The following GRAMD4 variants were observed in gnomAD, a reference collection of about 807,000 sequenced individuals.
GRAMD4 encodes the protein GRAM domain containing 4.
GRAMD4 carries 25 observed loss-of-function variants against 83.9 expected under a neutral mutation model. The ratio of observed to expected loss-of-function variants is 0.30; its 90% CI spans 0.22 to 0.42. The LOEUF is 0.42. GRAMD4 is among the 10% of genes least tolerant of loss of function. The pLI is 1.00. For synonymous variants in GRAMD4, 336 were observed against 320.9 expected (o/e 1.05, Z -0.50); for missense variants, 593 against 788.7 (o/e 0.75, Z 2.97).
upstream of GRAMD4, among the ~76,000 whole-genome samples, chr22:46,615,901 C>T (rs1368437662): frequency 7.6e-5 from 4 of 52,654 alleles, no homozygotes; most frequent in Admixed American, 2.3e-4. Context: ...TTCCCCTGTG[C>T]GTGTAGGTTC....
intron 1 of GRAMD4, among the ~76,000 whole-genome samples, chr22:46,580,694 C>G (rs1204637859): frequency 6.6e-6 from 1 of 152,164 alleles, no homozygotes; most frequent in African/African-American, 2.4e-5. Context: ...GCCGGGCGCG[C>G]TGGCTCACGC....
intron 3 of GRAMD4, among the ~76,000 whole-genome samples, chr22:46,638,833 G>A (rs1463560364): frequency 1.3e-5 from 2 of 152,216 alleles, no homozygotes; most frequent in Admixed American, 1.3e-4. Context: ...TACGACCGGG[G>A]TGCACAGGTC....
chr22:46,610,339 C>T (rs1318410924), intron 1 of GRAMD4, among the ~76,000 whole-genome samples: 1 of 152,236 alleles, frequency 6.6e-6, no homozygotes, highest in Non-Finnish European at 1.5e-5. Context: ...TGCTAGGCAT[C>T]TGTGGACCCC....
At position 46,605,578 on chromosome 22, in the gene GRAMD4, G is replaced by A. The variant is rs117086805; in HGVS notation, c.-49-21173G>A. On this transcript the variant is annotated intron_variant, in intron 1 of 1. Transcript: ENST00000431155. The stretch of plus-strand genomic sequence containing the variant: ...TTTATACCCCACAAACAGTGCACAA[G>A]GGTTCCGGTTTCTCCCCATTCTCGC... 3.0e-4 allele frequency among the ~76,000 whole-genome samples: 46 copies of A among 152,372 alleles called. No homozygotes were observed. In the East Asian group the frequency reaches 7.5e-3, roughly 25 times the overall value.
chr22:46,644,697 G>GTTTTTTGTTTTTTTTTTTTTTTTTTTTT (rs2082043968), intron 3 of GRAMD4, among the ~76,000 whole-genome samples: 1 of 97,338 alleles, frequency 1.0e-5, no homozygotes, highest in Non-Finnish European at 2.0e-5. Flanking sequence ...CTTGTTCCCT[G>GTTTTTTGTTTTTTTTTTTTTTTTTTTTT]TTTTTTTTTT....
Position 46,605,744 on chromosome 22 carries a change from A to G in GRAMD4, c.-49-21007A>G, listed in dbSNP as rs112025059. ...CATGGGCCTATGGCCGGTGCTGAGC[A>G]TCTCTGCATGGGCCTATGGCCGGTG... On this transcript the variant is annotated intron_variant, in intron 1 of 1. Coordinates refer to the GRAMD4 transcript ENST00000431155. 7.5e-3 allele frequency among the ~76,000 whole-genome samples: 1,120 copies of G among 150,168 alleles called. 20 individuals are homozygous for G. The highest frequency in any genetic ancestry group is 0.027 in the African/African-American group (1,081 of 40,640).
intron 3 of GRAMD4, among the ~76,000 whole-genome samples, chr22:46,647,255 A>G (rs1055011551): frequency 1.3e-5 from 2 of 152,232 alleles, no homozygotes; most frequent in African/African-American, 4.8e-5. Flanking sequence ...CAGCGTGTCT[A>G]TATTATATGG....
At chr22:46,604,627 G>A (rs1034612747) in intron 1 of GRAMD4, among the ~76,000 whole-genome samples, 5 of 152,218 alleles carry the variant, frequency 3.3e-5, no homozygotes, top group Non-Finnish European at 5.9e-5. Context: ...GGGGACTGCA[G>A]ATAAGTGGAA....
At chr22:46,606,990 C>T (rs1266079736) in intron 1 of GRAMD4, among the ~76,000 whole-genome samples, 1 of 152,216 alleles carries the variant, frequency 6.6e-6, no homozygotes, top group Non-Finnish European at 1.5e-5. Flanking sequence ...CCCTCCCCAG[C>T]TGTGGGCACT....
At chr22:46,627,454 C>T (rs999735176) in intron 2 of GRAMD4, among the ~76,000 whole-genome samples, 3 of 152,246 alleles carry the variant, frequency 2.0e-5, no homozygotes, top group East Asian at 1.9e-4. Flanking sequence ...CAAATACCCA[C>T]GGAGCACCTC....
chr22:46,673,105 C>G, intron 14 of GRAMD4, 108 bp downstream of exon 14: 4 of 922,232 alleles, frequency 4.3e-6, no homozygotes, highest in Non-Finnish European at 4.7e-6. Context: ...GAGGCTGTTT[C>G]TTCAATTTTA....
chr22:46,665,570 G>A (rs896971087), intron 8 of GRAMD4, 45 bp from the exon 9 acceptor site: 1 of 1,099,766 alleles, frequency 9.1e-7, no homozygotes. Flanking sequence ...GCCTTGTCCT[G>A]ATCCAAGCTG....
At chr22:46,624,438 T>C (rs1379821450) in intron 1 of GRAMD4, among the ~76,000 whole-genome samples, 3 of 144,624 alleles carry the variant, frequency 2.1e-5, no homozygotes, top group Admixed American at 1.4e-4. Flanking sequence ...AAGCAATTCC[T>C]CTGCCTCCGT....
At chr22:46,602,767 T>C (rs1298127391) in intron 1 of GRAMD4, among the ~76,000 whole-genome samples, 2 of 147,484 alleles carry the variant, frequency 1.4e-5, no homozygotes, top group African/African-American at 2.5e-5. Context: ...TTTCTCTTTT[T>C]TTTTTTTTTT....
chr22:46,656,343 A>G (rs568905559), intron 3 of GRAMD4, among the ~76,000 whole-genome samples: 12 of 152,292 alleles, frequency 7.9e-5, no homozygotes, highest in African/African-American at 2.9e-4. Flanking sequence ...CCTTTTGGGT[A>G]CCGTGAGCCT....
chr22:46,666,655 G>C (rs537804486), intron 9 of GRAMD4, among the ~76,000 whole-genome samples, 170 bp from the exon 10 acceptor site: 8 of 152,156 alleles, frequency 5.3e-5, no homozygotes, highest in African/African-American at 1.7e-4. Flanking sequence ...GGAGTTGACT[G>C]CTCTCACAGC....
At chr22:46,627,042 C>A (rs948576547) in intron 2 of GRAMD4, 81 bp downstream of exon 2, 1 of 956,224 alleles carries the variant, frequency 1.0e-6, no homozygotes. Flanking sequence ...TGGACTCAGG[C>A]AGATTCGTGT....
At chr22:46,663,924 G>C in intron 7 of GRAMD4, 61 bp downstream of exon 7, 1 of 1,593,850 alleles carries the variant, frequency 6.3e-7, no homozygotes, top group Non-Finnish European at 8.6e-7. Context: ...GCCCATGGCG[G>C]TGGGGACTCT....
intron 17 of GRAMD4, 56 bp downstream of exon 17, chr22:46,675,608 A>C: frequency 9.1e-7 from 1 of 1,104,886 alleles, no homozygotes; most frequent in Non-Finnish European, 1.4e-6. Context: ...CACCTGACAG[A>C]GGCTGGCGAG....
Sources: gnomAD v4.1 joint callset for allele counts (sites outside exome capture counted in the v4.1 genomes callset) on GRCh38, gnomAD v4.1.1 for gene constraint, MANE v1.5 for transcripts, NCBI Gene and HGNC (gene_info 2026-07-23, HGNC 2026-07-21) for gene names.